The following KCNK2 variants were observed in gnomAD, a reference collection of about 807,000 sequenced individuals.
KCNK2 encodes potassium channel subfamily K member 2.
KCNK2 carries 21 observed loss-of-function variants against 40.5 expected under a neutral mutation model. The observed-to-expected ratio is 0.52, with a 90% confidence interval of 0.37 to 0.75. The LOEUF (loss-of-function observed/expected upper bound fraction) is 0.75, where lower values mean the gene tolerates loss of function less well. KCNK2 is among the 30% of genes least tolerant of loss of function. KCNK2 has a pLI of 0.00. For synonymous variants in KCNK2, 191 were observed against 202.2 expected (o/e 0.94, Z 0.47); for missense variants, 399 against 531.6 (o/e 0.75, Z 2.45).
chr1:215,051,584 C>CT (rs1429646090), intron 1 of KCNK2, among the ~76,000 whole-genome samples: 1 of 152,186 alleles, frequency 6.6e-6, no homozygotes, highest in Non-Finnish European at 1.5e-5. Context: ...GATGACAGCC[C>CT]TTATGACAAG....
chr1:215,007,173 GTATGTGTGTGGGTATA>G lies in KCNK2; in HGVS notation c.34+1222_34+1237del, dbSNP rs1351277355. ...TATATATATGTATGTATATATATAT[GTATGTGTGTGGGTATA>G]TATATATATATATATATATATATAT... On this transcript the variant is annotated intron_variant, in intron 1 of 6. Coordinates refer to the KCNK2 transcript ENST00000391895. Among the ~76,000 whole-genome samples the G allele has an allele frequency of 1.6e-4, 12 of 76,852 alleles. No individual in the cohort carries two copies. The South Asian group carries it at 2.1e-3, about 13-fold the overall frequency. The allele number at this position is 76,852 out of a possible 152,430, so 50.4% of individuals were successfully genotyped here.
intron 6 of KCNK2, among the ~76,000 whole-genome samples, chr1:215,214,569 T>C (rs919617052): frequency 1.3e-5 from 2 of 152,186 alleles, no homozygotes; most frequent in African/African-American, 2.4e-5. Flanking sequence ...CCCATGCATG[T>C]AATCCTAGCA....
intron 3 of KCNK2, among the ~76,000 whole-genome samples, chr1:215,133,939 C>T (rs1188914974): frequency 2.0e-5 from 3 of 152,054 alleles, no homozygotes; most frequent in Non-Finnish European, 1.5e-5. Flanking sequence ...AATTTCTTCC[C>T]CTTCCAACTT....
At chr1:215,102,483 T>A (rs1377819939) in intron 2 of KCNK2, among the ~76,000 whole-genome samples, 1 of 152,018 alleles carries the variant, frequency 6.6e-6, no homozygotes, top group Non-Finnish European at 1.5e-5. Flanking sequence ...TTTTAAAGTT[T>A]GCAAAATAAA....
At chr1:215,043,747 A>G (rs1657645734) in intron 1 of KCNK2, among the ~76,000 whole-genome samples, 1 of 152,180 alleles carries the variant, frequency 6.6e-6, no homozygotes, top group Non-Finnish European at 1.5e-5. Flanking sequence ...ATCTGAATGT[A>G]TTTAATGCCA....
At chr1:215,101,581 G>C (rs1442964269) in intron 2 of KCNK2, among the ~76,000 whole-genome samples, 1 of 151,966 alleles carries the variant, frequency 6.6e-6, no homozygotes, top group Non-Finnish European at 1.5e-5. Flanking sequence ...AGTGGTCTGG[G>C]CTTTAGGTGC....
chr1:215,018,820 C>T (rs2841606), intron 1 of KCNK2, among the ~76,000 whole-genome samples: 66,852 of 151,952 alleles, frequency 0.44, 16,396 homozygotes, highest in Non-Finnish European at 0.55. Context: ...GTAAGAGTCA[C>T]GATCAAATTT....
chr1:215,052,611 C>A (rs1658028605), intron 1 of KCNK2, among the ~76,000 whole-genome samples: 1 of 152,118 alleles, frequency 6.6e-6, no homozygotes, highest in Non-Finnish European at 1.5e-5. Flanking sequence ...CATACAGAGG[C>A]CAGAGATGCT....
At chr1:215,056,898 A>G (rs921284458) in intron 1 of KCNK2, among the ~76,000 whole-genome samples, 10 of 152,252 alleles carry the variant, frequency 6.6e-5, no homozygotes, top group African/African-American at 2.4e-4. Flanking sequence ...ATGAGTAATT[A>G]TCTAAAATGT....
chr1:215,164,739 T>C (rs1203346909), intron 3 of KCNK2, among the ~76,000 whole-genome samples: 1 of 152,162 alleles, frequency 6.6e-6, no homozygotes, highest in African/African-American at 2.4e-5. Context: ...GTGTGCAGCA[T>C]GTCTCATTCT....
Position 215,064,482 on chromosome 1 carries a change from G to T in KCNK2, c.35-21886G>T, listed in dbSNP as rs114359971. Among the ~76,000 whole-genome samples, 1,241 of 152,272 alleles carry T rather than the reference G, an allele frequency of 8.1e-3. 9 individuals are homozygous for T. Among genetic ancestry groups the T allele is most frequent in the Non-Finnish European group, 0.011 (773 of 68,022 alleles). The stretch of plus-strand genomic sequence containing the variant: ...TTTGACTGCATCACCTCGGTGATGA[G>T]ACTGCAGTATCCACTGCCTAGATTT... On this transcript the variant is annotated intron_variant, in intron 1 of 6. Transcript: ENST00000391895.
intron 3 of KCNK2, among the ~76,000 whole-genome samples, chr1:215,133,231 A>G (rs941499949): frequency 1.7e-4 from 26 of 152,228 alleles, no homozygotes; most frequent in African/African-American, 6.0e-4. Context: ...ATAATTTTGA[A>G]AAGTTTTCAA....
chr1:215,037,389 G>A (rs1291897699), intron 1 of KCNK2, among the ~76,000 whole-genome samples: 1 of 151,900 alleles, frequency 6.6e-6, no homozygotes, highest in Non-Finnish European at 1.5e-5. Flanking sequence ...CTGATTGGTT[G>A]TGATGAATTG....
chr1:215,094,466 T>C (rs971595838), intron 2 of KCNK2, among the ~76,000 whole-genome samples: 10 of 152,194 alleles, frequency 6.6e-5, no homozygotes, highest in Admixed American at 2.6e-4. Flanking sequence ...CAAGAGGGAA[T>C]TGGGCTACCA....
At chr1:215,070,288 C>T (rs1399796971) in intron 1 of KCNK2, among the ~76,000 whole-genome samples, 1 of 151,448 alleles carries the variant, frequency 6.6e-6, no homozygotes, top group Non-Finnish European at 1.5e-5. Context: ...TGGTGGCGGG[C>T]ACCTGTAGTC....
At chr1:215,121,213 A>C (rs1047086609) in intron 2 of KCNK2, among the ~76,000 whole-genome samples, 1 of 152,270 alleles carries the variant, frequency 6.6e-6, no homozygotes, top group Admixed American at 6.5e-5. Flanking sequence ...AAAAATAACA[A>C]GTTCAGTACA....
intron 6 of KCNK2, among the ~76,000 whole-genome samples, chr1:215,205,646 G>A (rs766091104): frequency 9.2e-5 from 14 of 152,146 alleles, no homozygotes; most frequent in Non-Finnish European, 1.8e-4. Flanking sequence ...GGGTCCCTGA[G>A]TAACTACAAT....
chr1:215,214,672 C>T (rs1367456505), intron 6 of KCNK2, among the ~76,000 whole-genome samples: 2 of 151,546 alleles, frequency 1.3e-5, no homozygotes, highest in Non-Finnish European at 2.9e-5. Flanking sequence ...CAAAAAATAC[C>T]AAAAAAATTG....
intron 6 of KCNK2, among the ~76,000 whole-genome samples, chr1:215,197,997 TCAAA>T (rs60003108): frequency 0.85 from 128,741 of 151,142 alleles, 56,550 homozygotes; most frequent in East Asian, 0.98. Flanking sequence ...AGACTTTGTC[TCAAA>T]CAAACAAACA....
Sources: allele counts gnomAD v4.1 joint callset (sites outside exome capture counted in the v4.1 genomes callset), GRCh38; gene constraint gnomAD v4.1.1; transcripts MANE v1.5; gene names NCBI Gene and HGNC (gene_info 2026-07-23, HGNC 2026-07-21).